PRLR: variants seen among roughly 807,000 people sequenced by gnomAD.
The protein encoded by PRLR is hPRL receptor.
PRLR carries 13 observed loss-of-function variants against 40.2 expected under a neutral mutation model. That is an observed-to-expected ratio of 0.32 (90% CI 0.21 to 0.51). PRLR has a LOEUF of 0.51. Ranked by LOEUF, PRLR falls within the 20% of genes least tolerant of loss-of-function variation. The probability of loss-of-function intolerance (pLI) is 0.97; values close to 1 mark genes in which losing one functional copy is unlikely to be tolerated. For synonymous variants in PRLR, 269 were observed against 278.7 expected (o/e 0.97, Z 0.35); for missense variants, 656 against 747.3 (o/e 0.88, Z 1.42).
At chr5:35,177,086 C>T (rs2111965106) in intron 1 of PRLR, among the ~76,000 whole-genome samples, 1 of 152,238 alleles carries the variant, frequency 6.6e-6, no homozygotes, top group Non-Finnish European at 1.5e-5. Flanking sequence ...ATGCAAAGAC[C>T]TTTGTTCACG....
chr5:35,091,949 T>C (rs1194060721), intron 2 of PRLR, among the ~76,000 whole-genome samples: 1 of 152,168 alleles, frequency 6.6e-6, no homozygotes, highest in East Asian at 1.9e-4. Flanking sequence ...AAGATCAACA[T>C]GCTATAAATC....
At chr5:35,075,004 A>G (rs1260953881) in intron 5 of PRLR, among the ~76,000 whole-genome samples, 2 of 151,854 alleles carry the variant, frequency 1.3e-5, no homozygotes, top group Admixed American at 6.6e-5. Context: ...CTGTAACTAT[A>G]GTGTACTTGG....
intron 1 of PRLR, among the ~76,000 whole-genome samples, chr5:35,227,477 C>T (rs1384241004): frequency 6.6e-6 from 1 of 152,166 alleles, no homozygotes; most frequent in African/African-American, 2.4e-5. Context: ...AACTCATACT[C>T]TGCAATCTTG....
intron 5 of PRLR, among the ~76,000 whole-genome samples, chr5:35,083,207 G>A (rs1185005208): frequency 6.6e-6 from 1 of 152,018 alleles, no homozygotes; most frequent in Admixed American, 6.6e-5. Context: ...CGCAACTGAG[G>A]TACAACAACC....
chr5:35,154,367 A>G (rs1295640754), intron 1 of PRLR, among the ~76,000 whole-genome samples: 1 of 152,218 alleles, frequency 6.6e-6, no homozygotes, highest in South Asian at 2.1e-4. Flanking sequence ...TTTTTGATAC[A>G]TCTCTAATTT....
intron 1 of PRLR, among the ~76,000 whole-genome samples, chr5:35,199,177 A>C (rs954970980): frequency 2.8e-4 from 43 of 152,174 alleles, no homozygotes; most frequent in Admixed American, 2.2e-3. Context: ...CAAATCTATG[A>C]GCTCTTCTTA....
At chr5:35,174,803 TC>T (rs1775099283) in intron 1 of PRLR, among the ~76,000 whole-genome samples, 1 of 152,196 alleles carries the variant, frequency 6.6e-6, no homozygotes, top group African/African-American at 2.4e-5. Flanking sequence ...CCTTTCAGCT[TC>T]TGGGAGGAAA....
rs1186801154 is a variant in PRLR at position 35,061,339 on chromosome 5, G to C, written c.*3750C>G. 6.6e-6 allele frequency: 1 copy of C among 152,214 alleles called. No individual in the cohort carries two copies. The highest frequency in any genetic ancestry group is 1.5e-5 in the Non-Finnish European group (1 of 68,052). 9.4% of individuals were successfully genotyped at this position (152,214 alleles called of 1,614,324 possible). ...GGGCAGTGGTGGACACTTGAGGAAA[G>C]AGAAAGCCAGAGTTTCCCCAGAGCT... On this transcript the variant is annotated 3_prime_UTR_variant, in exon 10 of 10. Coordinates refer to ENST00000618457, the MANE Select transcript of PRLR (RefSeq NM_000949.7).
intron 1 of PRLR, among the ~76,000 whole-genome samples, chr5:35,136,991 T>C (rs1481913743): frequency 6.6e-6 from 1 of 150,862 alleles, no homozygotes; most frequent in African/African-American, 2.4e-5. Flanking sequence ...CCTGAGCTCC[T>C]CTAACAGAGG....
chr5:35,229,930 C>A (rs556536850), intron 1 of PRLR, among the ~76,000 whole-genome samples: 14 of 152,310 alleles, frequency 9.2e-5, no homozygotes, highest in African/African-American at 3.4e-4. Context: ...AACTCATGCT[C>A]AAGGATACAG....
In PRLR at chr5:35,188,554, G is replaced by A. The variant is rs953748995; in HGVS notation, c.-106+41714C>T. Among the ~76,000 whole-genome samples the A allele has an allele frequency of 2.0e-5, 3 of 152,190 alleles. No homozygotes were observed. The East Asian group carries it at 5.8e-4, about 29-fold the overall frequency. ...TGGCAGTTGTTTTTCCCTGGTTGGG[G>A]CGACTTGCATGGTTCTGTGTACACA... On this transcript the variant is annotated intron_variant, in intron 1 of 9. Coordinates refer to ENST00000618457, the MANE Select transcript of PRLR (RefSeq NM_000949.7).
At chr5:35,118,299 T>C in intron 1 of PRLR, among the ~76,000 whole-genome samples, 177 bp from the exon 2 acceptor site, 1 of 150,610 alleles carries the variant, frequency 6.6e-6, no homozygotes, top group South Asian at 2.1e-4. Context: ...AATTTTAATC[T>C]TACAGAAAAG....
chr5:35,119,046 C>T (rs1297359752), intron 1 of PRLR, among the ~76,000 whole-genome samples: 1 of 152,112 alleles, frequency 6.6e-6, no homozygotes, highest in Admixed American at 6.6e-5. Context: ...CTGCCTGCCT[C>T]GTACTCCCAA....
intron 1 of PRLR, among the ~76,000 whole-genome samples, chr5:35,119,027 G>C (rs35143774): frequency 0.054 from 8,278 of 152,026 alleles, 533 homozygotes; most frequent in East Asian, 0.18. Flanking sequence ...AACTCCTGGC[G>C]TCAATGATCT....
rs1774230936 is a variant in PRLR, at chr5:35,147,917, A to C, written c.-105-29795T>G. 1.3e-5 allele frequency among the ~76,000 whole-genome samples: 2 copies of C among 152,160 alleles called. 1 individual carries two copies. Among genetic ancestry groups the C allele is most frequent in the South Asian group, 4.1e-4 (2 of 4,832 alleles). On this transcript the variant is annotated intron_variant, in intron 1 of 9. Coordinates refer to ENST00000618457, the MANE Select transcript of PRLR (RefSeq NM_000949.7). ...CGTGTCGGTGGATTCACTATGGTGA[A>C]TCCATAGAAGAAATTAGAAGAATTA...
chr5:35,129,402 C>T (rs1773580397), intron 1 of PRLR, among the ~76,000 whole-genome samples: 1 of 152,184 alleles, frequency 6.6e-6, no homozygotes, highest in African/African-American at 2.4e-5. Flanking sequence ...AGATTTCCTG[C>T]ATCCTTAAGG....
chr5:35,160,230 C>T (rs915333984), intron 1 of PRLR, among the ~76,000 whole-genome samples: 5 of 149,948 alleles, frequency 3.3e-5, no homozygotes, highest in East Asian at 2.0e-4. Context: ...AATTGTATGA[C>T]ATTTCCATTT....
In PRLR at chr5:35,065,757, C is replaced by T. The variant is rs769925695; in HGVS notation, c.1201G>A (p.Gly401Ser). The change falls in exon 10 of 10, where the codon GGC becomes AGC. Residue 401 changes from glycine (G) to serine (S), a missense_variant. This residue lies in a region of PRLR where 469 missense variants were observed against 491.5 expected (regional missense o/e 0.95). Transcript: ENST00000618457. ...TWDPQCISME[G>S]KIPYFHAGGS... The stretch of plus-strand genomic sequence containing the variant: ...CCAGCATGAAAATAGGGGATTTTGC[C>T]TTCCATGCTTATGCACTGGGGGTCC... 1.9e-6 allele frequency: 3 copies of T among 1,614,118 alleles called. No individual in the cohort carries two copies. Among genetic ancestry groups the T allele is most frequent in the East Asian group, 4.5e-5 (2 of 44,864 alleles).
intron 1 of PRLR, among the ~76,000 whole-genome samples, chr5:35,212,307 A>G (rs1776190007): frequency 6.6e-6 from 1 of 152,248 alleles, no homozygotes; most frequent in South Asian, 2.1e-4. Context: ...CTGGTGAGTT[A>G]GCAGGTTTTT....
Sources: allele counts gnomAD v4.1 joint callset (sites outside exome capture counted in the v4.1 genomes callset), GRCh38; gene constraint gnomAD v4.1.1; regional missense constraint gnomAD v4.1.1; transcripts MANE v1.5; gene names NCBI Gene and HGNC (gene_info 2026-07-23, HGNC 2026-07-21).